The following FYN variants were observed in gnomAD, a reference collection of about 807,000 sequenced individuals.
FYN encodes tyrosine-protein kinase Fyn.
FYN carries 10 observed loss-of-function variants against 70.2 expected under a neutral mutation model. The observed-to-expected ratio is 0.14, with a 90% confidence interval of 0.09 to 0.24. The LOEUF is 0.24. Among genes scored for constraint, FYN ranks in the 10% least tolerant of loss-of-function variants. The pLI is 1.00. For synonymous variants in FYN, 236 were observed against 248.6 expected (o/e 0.95, Z 0.48); for missense variants, 319 against 673.1 (o/e 0.47, Z 5.82).
chr6:111,719,679 G>C (rs1800839962), intron 4 of FYN, 126 bp downstream of exon 4: 1 of 1,066,928 alleles, frequency 9.4e-7, no homozygotes, highest in Non-Finnish European at 1.4e-6. Flanking sequence ...TAGTAGAGGA[G>C]ACAGATTAGA....
intron 6 of FYN, among the ~76,000 whole-genome samples, chr6:111,707,243 G>A (rs1197448858): frequency 6.6e-6 from 1 of 152,206 alleles, no homozygotes; most frequent in African/African-American, 2.4e-5. Context: ...CCCCTTGGGA[G>A]TGCCTGTTAA....
intron 2 of FYN, chr6:111,793,787 G>A (rs144265802): frequency 6.6e-5 from 10 of 152,214 alleles, no homozygotes; most frequent in African/African-American, 2.4e-4. Flanking sequence ...CATTAGCCAT[G>A]TGCTCCACAG....
At chr6:111,743,962 C>T (rs1036623074) in intron 3 of FYN, among the ~76,000 whole-genome samples, 7 of 152,152 alleles carry the variant, frequency 4.6e-5, no homozygotes, top group Non-Finnish European at 8.8e-5. Context: ...GTCTCCAAGC[C>T]GATGAGCTGT....
chr6:111,720,477 G>C (rs1395961918), intron 3 of FYN, among the ~76,000 whole-genome samples: 1 of 152,082 alleles, frequency 6.6e-6, no homozygotes, highest in African/African-American at 2.4e-5. Context: ...ACTTCCATCA[G>C]GGCACAGGAA....
Position 111,719,963 on chromosome 6 carries a change from T to C in FYN, c.89A>G (p.Tyr30Cys), listed in dbSNP as rs762635372. 1.1e-5 allele frequency: 17 copies of C among 1,614,076 alleles called. No individual in the cohort carries two copies. The South Asian group carries it at 1.3e-4, about 13-fold the overall frequency. The change falls in exon 4 of 14, where the codon TAT becomes TGT. Residue 30 changes from tyrosine (Y) to cysteine (C), a missense_variant. Tyr to Cys is a radical substitution (Grantham distance 194, BLOSUM62 -2). Coordinates refer to ENST00000354650, the MANE Select transcript of FYN (RefSeq NM_002037.5). ...GTGCTGAGGGGTGGGGTCTGTGCCATAGCGGTACCCAGAGCTCTGGTTCAG... is the reference window on the plus strand; with the variant it reads ...GTGCTGAGGGGTGGGGTCTGTGCCACAGCGGTACCCAGAGCTCTGGTTCAG... ...GSLNQSSGYR[Y>C]GTDPTPQHYP...
chr6:111,676,747 T>C (rs1342985211), intron 12 of FYN, among the ~76,000 whole-genome samples: 1 of 152,258 alleles, frequency 6.6e-6, no homozygotes, highest in Admixed American at 6.5e-5. Context: ...TTCTCTGCTG[T>C]GCAGACAAAT....
chr6:111,747,342 A>G (rs1802273078), intron 3 of FYN, among the ~76,000 whole-genome samples: 1 of 152,250 alleles, frequency 6.6e-6, no homozygotes, highest in Non-Finnish European at 1.5e-5. Context: ...TATTAAGCAG[A>G]GCCAAGAGGC....
chr6:111,814,713 C>A (rs548464756), intron 2 of FYN, among the ~76,000 whole-genome samples: 2 of 152,090 alleles, frequency 1.3e-5, no homozygotes, highest in African/African-American at 4.8e-5. Flanking sequence ...TTGGTCTGAG[C>A]CTTCAAAACA....
chr6:111,693,938 C>A (rs1799461925), intron 12 of FYN, among the ~76,000 whole-genome samples: 1 of 152,154 alleles, frequency 6.6e-6, no homozygotes, highest in Non-Finnish European at 1.5e-5. Flanking sequence ...ACCTTTGAGG[C>A]CTTAGTTCTG....
chr6:111,851,006 G>A (rs73764307), intron 1 of FYN, among the ~76,000 whole-genome samples: 6,421 of 152,252 alleles, frequency 0.042, 235 homozygotes, highest in East Asian at 0.14. Flanking sequence ...TTCTCCCAAG[G>A]TTAGAGATGG....
At chr6:111,664,219 A>T (rs1383593158) in intron 13 of FYN, among the ~76,000 whole-genome samples, 1 of 152,156 alleles carries the variant, frequency 6.6e-6, no homozygotes, top group Non-Finnish European at 1.5e-5. Context: ...GGACCAGCAG[A>T]AATCTCCCTT....
At chr6:111,848,908 T>C (rs1773605883) in intron 1 of FYN, among the ~76,000 whole-genome samples, 1 of 152,258 alleles carries the variant, frequency 6.6e-6, no homozygotes, top group Admixed American at 6.5e-5. Flanking sequence ...ATCTTCCTAA[T>C]TTATCTTTAT....
Position 111,728,277 on chromosome 6 carries a change from C to G in FYN, c.-11-8215G>C, listed in dbSNP as rs562163663. Among the ~76,000 whole-genome samples, 13 of 152,234 alleles carry G rather than the reference C, an allele frequency of 8.5e-5. No homozygotes were observed. In the South Asian group the frequency reaches 2.3e-3, roughly 27 times the overall value. ...TGTAAAGTTTTTTCAGGCTCCACCC[C>G]CTGCCCGCAAGCCTTTTTGGACCAT... is the stretch of plus-strand genomic sequence containing the variant. On this transcript the variant is annotated intron_variant, in intron 3 of 13. Transcript: ENST00000354650.
Position 111,704,064 on chromosome 6 carries a change from C to T in FYN, c.482G>A (p.Arg161Gln). The change falls in exon 7 of 14, where the codon CGA becomes CAA. Residue 161 changes from arginine (R) to glutamine (Q), a missense_variant. Transcript: ENST00000354650. ...TGGGTTTCCAAAGGACAATAGCTGT[C>T]GCTCAGCATCTTTTCGGCCAAGTTT... ...FGKLGRKDAE[R>Q]QLLSFGNPRG... is the part of the protein sequence containing the mutation. 6.2e-7 allele frequency: 1 copy of T among 1,614,156 alleles called. No individual in the cohort carries two copies. The highest frequency in any genetic ancestry group is 8.5e-7 in the Non-Finnish European group (1 of 1,180,010).
chr6:111,695,873 T>G (rs554483568), intron 10 of FYN, among the ~76,000 whole-genome samples: 4 of 152,306 alleles, frequency 2.6e-5, no homozygotes, highest in Non-Finnish European at 4.4e-5. Flanking sequence ...TGATGGAGAC[T>G]AAACTTAGCT....
At chr6:111,706,413 A>G (rs1800094872) in intron 6 of FYN, among the ~76,000 whole-genome samples, 2 of 152,264 alleles carry the variant, frequency 1.3e-5, no homozygotes, top group African/African-American at 2.4e-5. Flanking sequence ...AGTTTCACTG[A>G]AGAAAAGAGA....
At chr6:111,709,837 C>T (rs982446597) in intron 5 of FYN, among the ~76,000 whole-genome samples, 12 of 152,160 alleles carry the variant, frequency 7.9e-5, no homozygotes, top group Non-Finnish European at 1.6e-4. Context: ...ATTGTAAGCA[C>T]CCCTCTCTTT....
At chr6:111,737,196 A>G (rs184747482) in intron 3 of FYN, among the ~76,000 whole-genome samples, 17 of 152,344 alleles carry the variant, frequency 1.1e-4, no homozygotes, top group African/African-American at 4.1e-4. Context: ...ATATCAAGCA[A>G]GCAAGCAAGC....
chr6:111,872,845 G>A (rs1774325460), intron 1 of FYN, 123 bp downstream of exon 1: 1 of 151,414 alleles, frequency 6.6e-6, no homozygotes, highest in Admixed American at 6.6e-5. Context: ...GGAGCGCCCT[G>A]GCGGCCAAGG....
Sources: allele counts gnomAD v4.1 joint callset (sites outside exome capture counted in the v4.1 genomes callset), GRCh38; gene constraint gnomAD v4.1.1; transcripts MANE v1.5; gene names NCBI Gene and HGNC (gene_info 2026-07-23, HGNC 2026-07-21).